Variants in JAKMIP3 observed in about 807,000 individuals in gnomAD.
The protein encoded by JAKMIP3 is Janus kinase and microtubule interacting protein 3, also known as janus kinase and microtubule-interacting protein 3.
Under a neutral mutation model 118.5 loss-of-function variants are expected in JAKMIP3, and 58 were observed. The ratio of observed to expected loss-of-function variants is 0.49; its 90% CI spans 0.40 to 0.61. The LOEUF is 0.61. Ranked by LOEUF, JAKMIP3 falls within the 20% of genes least tolerant of loss-of-function variation. The probability of loss-of-function intolerance (pLI) is 0.00; values close to 1 mark genes in which losing one functional copy is unlikely to be tolerated. For synonymous variants in JAKMIP3, 486 were observed against 451.2 expected (o/e 1.08, Z -0.98); for missense variants, 950 against 1,109.0 (o/e 0.86, Z 2.04).
At chr10:132,142,153 C>T (rs2053648905) in intron 11 of JAKMIP3, 105 bp downstream of exon 11, 1 of 1,229,306 alleles carries the variant, frequency 8.1e-7, no homozygotes. Context: ...TGGGCCCGGG[C>T]CCCTCCTCTC....
At chr10:132,134,958 T>A (rs75434449) in intron 4 of JAKMIP3, 83 bp from the exon 5 acceptor site, 1 of 1,541,744 alleles carries the variant, frequency 6.5e-7, no homozygotes, top group African/African-American at 1.4e-5. Context: ...GCAGCGTTTT[T>A]GTTCCCGTAG....
At chr10:132,036,902 G>T (rs2133733662) in intron 1 of JAKMIP3, among the ~76,000 whole-genome samples, 1 of 152,140 alleles carries the variant, frequency 6.6e-6, no homozygotes, top group South Asian at 2.1e-4. Flanking sequence ...CTGGGGCGGG[G>T]TCCTCCTTGC....
chr10:132,183,498 G>C lies in JAKMIP3; in HGVS notation c.*2245G>C, dbSNP rs565457015. ...TCCACCACAGACACTCTTAATCACA[G>C]TTCTGTAATAATAATAAGGCAAACT... is the stretch of plus-strand genomic sequence containing the variant. On this transcript the variant is annotated 3_prime_UTR_variant, in exon 24 of 24. Transcript: ENST00000684848. The C allele has an allele frequency of 8.1e-6, 1 of 123,894 alleles. No individual in the cohort carries two copies. The highest frequency in any genetic ancestry group is 2.4e-4 in the South Asian group (1 of 4,136). 7.7% of individuals were successfully genotyped at this position (123,894 alleles called of 1,614,324 possible).
chr10:132,061,707 G>A (rs369578112), upstream of JAKMIP3, among the ~76,000 whole-genome samples: 18 of 152,338 alleles, frequency 1.2e-4, no homozygotes, highest in South Asian at 4.1e-4. Flanking sequence ...AAGGGTGCAC[G>A]CTTGGCTTTC....
At chr10:132,116,893 T>C (rs2047761426) in intron 2 of JAKMIP3, among the ~76,000 whole-genome samples, 184 bp from the exon 3 acceptor site, 2 of 148,718 alleles carry the variant, frequency 1.3e-5, no homozygotes, top group African/African-American at 2.5e-5. Flanking sequence ...TGTGAGTGTG[T>C]GCAACGTGGA....
chr10:132,159,743 TG>T (rs1199556461), intron 19 of JAKMIP3, among the ~76,000 whole-genome samples: 18 of 52,518 alleles, frequency 3.4e-4, no homozygotes, highest in East Asian at 6.4e-4. Context: ...TGTGTGATAC[TG>T]GGGGGGCCTC....
intron 23 of JAKMIP3, among the ~76,000 whole-genome samples, chr10:132,172,946 CTTCCT>C (rs2136890465): frequency 6.8e-6 from 1 of 146,236 alleles, no homozygotes; most frequent in Non-Finnish European, 1.5e-5. Flanking sequence ...TCCCTCTCTA[CTTCCT>C]TCTCTCTCTC....
chr10:132,167,802 T>TCCTCACC (rs142409814), intron 22 of JAKMIP3, among the ~76,000 whole-genome samples, 151 bp from the exon 23 acceptor site: 3 of 148,232 alleles, frequency 2.0e-5, no homozygotes, highest in Admixed American at 6.7e-5. Context: ...AGCCCTTCGG[T>TCCTCACC]CCTCACCCCT....
chr10:132,167,057 T>TATTTC lies in JAKMIP3; in HGVS notation c.*22+2_*22+3insATTTC. 6.5e-7 allele frequency: 1 copy of TATTTC among 1,545,342 alleles called. No individual in the cohort carries two copies. Among genetic ancestry groups the TATTTC allele is most frequent in the Non-Finnish European group, 8.8e-7 (1 of 1,141,430 alleles). ...AGTCCGTCTTGGCACCCTGACGTGG[T>TATTTC]GAGTATTTCGTTGGCAGGGCCCAGC... On this transcript the variant is annotated splice_region_variant and intron_variant, in intron 22 of 23. Coordinates refer to ENST00000684848, the MANE Select transcript of JAKMIP3 (RefSeq NM_001323087.2).
intron 1 of JAKMIP3, among the ~76,000 whole-genome samples, chr10:132,059,222 G>C (rs2133841589): frequency 6.6e-6 from 1 of 152,348 alleles, no homozygotes; most frequent in East Asian, 1.9e-4. Flanking sequence ...CAGCCTCTGG[G>C]TGCCGTCCCC....
intron 17 of JAKMIP3, 35 bp from the exon 18 acceptor site, chr10:132,153,724 G>C (rs1408992505): frequency 8.1e-6 from 13 of 1,606,710 alleles, no homozygotes; most frequent in Non-Finnish European, 1.0e-5. Context: ...GGGGACCCTA[G>C]GGGTCACTGT....
chr10:132,065,735 A>T (rs1445397931), upstream of JAKMIP3, among the ~76,000 whole-genome samples: 2 of 151,824 alleles, frequency 1.3e-5, no homozygotes, highest in Admixed American at 1.3e-4. The surrounding 1 kb of genome is among the most constrained non-coding windows in gnomAD (Gnocchi z 5.6). Context: ...TTCCCCACCG[A>T]GAAGCGTCTG....
rs138207963 is a variant in JAKMIP3 at position 132,133,348 on chromosome 10, G to A, written c.670G>A (p.Val224Met). 2.3e-4 allele frequency: 369 copies of A among 1,600,192 alleles called. 2 individuals are homozygous for A. In the African/African-American group the frequency reaches 4.3e-3, roughly 19 times the overall value. Reference sequence around the variant, plus strand: ...AAAATTTAAAGACAGAGCAGTCTTCGTGCTGGAGAGAGAGTTAGGGGTTCA... The same window carrying A: ...AAAATTTAAAGACAGAGCAGTCTTCATGCTGGAGAGAGAGTTAGGGGTTCA... ...EIKFKDRAVF[V>M]LERELGVQAG... The change falls in exon 4 of 24, where the codon GTG (valine) becomes ATG (methionine). Residue 224 changes from valine (V) to methionine (M), a missense_variant. Physicochemically the swap from Val to Met is conservative, Grantham distance 21. Transcript: ENST00000684848.
intron 1 of JAKMIP3, among the ~76,000 whole-genome samples, chr10:132,080,368 C>T (rs990770827): frequency 1.3e-5 from 2 of 152,042 alleles, no homozygotes; most frequent in Admixed American, 6.5e-5. Context: ...TTTGCACTTT[C>T]CTGACAATTT....
In JAKMIP3 at chr10:132,049,521, CT is replaced by C. The variant is rs1270770523; in HGVS notation, c.-138+12789del. On this transcript the variant is annotated intron_variant, in intron 1 of 23. Transcript: ENST00000657785. The surrounding 1 kb of genome is among the most constrained non-coding windows in gnomAD (Gnocchi z 4.3). The stretch of plus-strand genomic sequence containing the variant: ...TTTTTTTTCCTGAGTTCAATACATT[CT>C]TTTTTCATTTCTCTGATTTTTTGCC... Among the ~76,000 whole-genome samples, 1 of 151,246 alleles carries C rather than the reference CT, an allele frequency of 6.6e-6. No individual in the cohort carries two copies. The highest frequency in any genetic ancestry group is 6.6e-5 in the Admixed American group (1 of 15,170).
At chr10:132,155,901 G>A (rs77354795) in intron 19 of JAKMIP3, among the ~76,000 whole-genome samples, 7,539 of 152,232 alleles carry the variant, frequency 0.05, 420 homozygotes, top group South Asian at 0.16. Flanking sequence ...CCAGGTGGCC[G>A]GGGACCTGTG....
chr10:132,061,240 C>T (rs866327115), upstream of JAKMIP3, among the ~76,000 whole-genome samples: 5 of 32,000 alleles, frequency 1.6e-4, no homozygotes, highest in African/African-American at 2.6e-4. Context: ...CCTGCCGTGA[C>T]GGCGCACACA....
At chr10:132,059,385 G>T (rs2038331444) in intron 1 of JAKMIP3, among the ~76,000 whole-genome samples, 1 of 152,244 alleles carries the variant, frequency 6.6e-6, no homozygotes, top group South Asian at 2.1e-4. Flanking sequence ...TTTTATTGGA[G>T]ATGAAGGTGC....
intron 23 of JAKMIP3, among the ~76,000 whole-genome samples, chr10:132,174,220 C>CT (rs112762780): frequency 0.15 from 22,401 of 152,172 alleles, 1,803 homozygotes; most frequent in Middle Eastern, 0.16. Context: ...CTCCTGCTGC[C>CT]TGTGCAGTGG....
Sources: gnomAD v4.1 joint callset for allele counts (sites outside exome capture counted in the v4.1 genomes callset) on GRCh38, gnomAD v4.1.1 for gene constraint, Gnocchi (gnomAD v3.1) non-coding constraint, MANE v1.5 for transcripts, NCBI Gene and HGNC (gene_info 2026-07-23, HGNC 2026-07-21) for gene names.